Variants in ATAD1 observed in about 807,000 individuals in gnomAD.
The protein encoded by ATAD1 is ATPase family AAA domain containing 1, also known as outer mitochondrial transmembrane helix translocase.
Under a neutral mutation model 42.7 loss-of-function variants are expected in ATAD1, and 18 were observed. The ratio of observed to expected loss-of-function variants is 0.42; its 90% CI spans 0.29 to 0.63. The LOEUF is 0.63. Among genes scored for constraint, ATAD1 ranks in the 20% least tolerant of loss-of-function variants. The probability of loss-of-function intolerance (pLI) is 0.19; values close to 1 mark genes in which losing one functional copy is unlikely to be tolerated. For synonymous variants in ATAD1, 132 were observed against 143.1 expected (o/e 0.92, Z 0.55); for missense variants, 294 against 440.4 (o/e 0.67, Z 2.98).
chr10:87,767,463 T>G (rs892067475), intron 8 of ATAD1, among the ~76,000 whole-genome samples: 1 of 152,158 alleles, frequency 6.6e-6, no homozygotes, highest in East Asian at 1.9e-4. Flanking sequence ...CCGCTGCTGA[T>G]GTGACAGGAA....
intron 5 of ATAD1, among the ~76,000 whole-genome samples, chr10:87,780,550 C>T (rs1855517148): frequency 6.6e-6 from 1 of 151,858 alleles, no homozygotes; most frequent in African/African-American, 2.4e-5. Context: ...GATTTCTGCT[C>T]AATTCTGCAA....
intron 2 of ATAD1, among the ~76,000 whole-genome samples, chr10:87,798,559 T>G (rs1026830990): frequency 6.6e-6 from 1 of 151,664 alleles, no homozygotes; most frequent in Non-Finnish European, 1.5e-5. Context: ...TTTTGTGTTT[T>G]TTTTTTGCAA....
At chr10:87,814,727 A>G (rs1160435365) in intron 1 of ATAD1, 115 bp from the exon 2 acceptor site, 2 of 737,122 alleles carry the variant, frequency 2.7e-6, no homozygotes, top group Non-Finnish European at 3.8e-6. Context: ...AAATTAAAAT[A>G]TTACCTACCT....
At chr10:87,824,649 T>G (rs1174739558) in intron 1 of ATAD1, among the ~76,000 whole-genome samples, 1 of 152,220 alleles carries the variant, frequency 6.6e-6, no homozygotes, top group Non-Finnish European at 1.5e-5. Flanking sequence ...GAGGTGATAT[T>G]CTCTCATTCC....
rs1435003384 is a variant in ATAD1 at position 87,752,480 on chromosome 10, T to G, written c.*2207A>C. 6.6e-6 allele frequency: 1 copy of G among 152,292 alleles called. No homozygotes were observed. The highest frequency in any genetic ancestry group is 1.5e-5 in the Non-Finnish European group (1 of 68,026). 9.4% of individuals were successfully genotyped at this position (152,292 alleles called of 1,614,324 possible). On this transcript the variant is annotated 3_prime_UTR_variant, in exon 10 of 10. Coordinates refer to ENST00000680024, the MANE Select transcript of ATAD1 (RefSeq NM_001321967.2). ...GGGCCTTACATGCATTATTTTATTA[T>G]CCAACCCTTTAAGATGAGTGCCACT...
chr10:87,785,338 A>C (rs1855775247), intron 4 of ATAD1, among the ~76,000 whole-genome samples: 1 of 151,260 alleles, frequency 6.6e-6, no homozygotes, highest in Admixed American at 6.6e-5. Context: ...TCTCAACTAA[A>C]ATGAGATAGC....
chr10:87,787,276 G>A (rs991738082), intron 4 of ATAD1, among the ~76,000 whole-genome samples: 7 of 152,044 alleles, frequency 4.6e-5, no homozygotes, highest in African/African-American at 7.2e-5. Context: ...TTTTTAAGAC[G>A]GATGTTTTTG....
At chr10:87,773,566 A>G (rs1211067002) in intron 6 of ATAD1, among the ~76,000 whole-genome samples, 6 of 152,222 alleles carry the variant, frequency 3.9e-5, no homozygotes, top group African/African-American at 1.4e-4. Flanking sequence ...AAAGGTTAAA[A>G]AGTGACCGCA....
At chr10:87,762,363 A>G (rs1380377379) in intron 8 of ATAD1, among the ~76,000 whole-genome samples, 1 of 152,194 alleles carries the variant, frequency 6.6e-6, no homozygotes, top group Non-Finnish European at 1.5e-5. Context: ...ATTCAAAGGA[A>G]CTTATTAACT....
In ATAD1 at chr10:87,756,892, C is replaced by T; in HGVS notation, c.862G>A (p.Ala288Thr). Residue 288 changes from alanine to threonine, a missense_variant, in exon 9 of 10, where the codon GCC becomes ACC. Around this residue, in one of 3 missense-constraint regions of ATAD1, gnomAD observed 142 missense variants for 174.6 expected, o/e 0.81. Transcript: ENST00000680024. ...VDRHVDLLEVAQETDGFSGSD... is the reference protein window; with the variant it reads ...VDRHVDLLEVTQETDGFSGSD... ...CCTGAAAACCCATCAGTTTCCTGGG[C>T]AACTTCTAGCAGGTCTACATGCCTA... 1 of 1,611,208 alleles carries T rather than the reference C, an allele frequency of 6.2e-7. No homozygotes were observed. Among genetic ancestry groups the T allele is most frequent in the South Asian group, 1.1e-5 (1 of 90,380 alleles).
chr10:87,820,901 A>C (rs964829559), upstream of ATAD1, among the ~76,000 whole-genome samples: 1 of 152,214 alleles, frequency 6.6e-6, no homozygotes, highest in Non-Finnish European at 1.5e-5. Context: ...AATCCCTGGC[A>C]ACACAAAATA....
At chr10:87,803,895 G>A (rs1856811539) in intron 2 of ATAD1, among the ~76,000 whole-genome samples, 1 of 152,080 alleles carries the variant, frequency 6.6e-6, no homozygotes, top group African/African-American at 2.4e-5. Flanking sequence ...CTCATCACTT[G>A]TATCTACTCC....
chr10:87,791,702 A>C (rs1856127436), intron 3 of ATAD1, among the ~76,000 whole-genome samples: 1 of 152,244 alleles, frequency 6.6e-6, no homozygotes, highest in African/African-American at 2.4e-5. Flanking sequence ...ATAGCAATAT[A>C]ACATTAATGT....
Position 87,814,618 on chromosome 10 carries a change from A to C in ATAD1, c.-13-6T>G. On this transcript the variant is annotated splice_polypyrimidine_tract_variant and splice_region_variant and intron_variant, in intron 1 of 9. Transcript: ENST00000680024. ...GTACCATCTTGAATGTTAACCTTAA[A>C]AAAACAAACAGAAATGTCACTAGGT... is the stretch of plus-strand genomic sequence containing the variant. 6.3e-7 allele frequency: 1 copy of C among 1,580,810 alleles called. No homozygotes were observed. The highest frequency in any genetic ancestry group is 8.6e-7 in the Non-Finnish European group (1 of 1,165,560).
chr10:87,829,610 T>C (rs1857793373), intron 1 of ATAD1, among the ~76,000 whole-genome samples: 1 of 152,186 alleles, frequency 6.6e-6, no homozygotes, highest in Non-Finnish European at 1.5e-5. Context: ...GAGGTCAAAA[T>C]ATTAACATTA....
chr10:87,774,406 T>C (rs1354831916), intron 6 of ATAD1, among the ~76,000 whole-genome samples: 1 of 152,176 alleles, frequency 6.6e-6, no homozygotes, highest in African/African-American at 2.4e-5. Context: ...ACACAGCTTG[T>C]TGATGCCAGG....
At chr10:87,763,193 G>A (rs1195830244) in intron 8 of ATAD1, among the ~76,000 whole-genome samples, 5 of 148,588 alleles carry the variant, frequency 3.4e-5, no homozygotes, top group Non-Finnish European at 7.4e-5. Context: ...CTCTGAAACT[G>A]TACATATTTC....
intron 8 of ATAD1, among the ~76,000 whole-genome samples, chr10:87,757,226 C>T (rs942158875): frequency 6.9e-6 from 1 of 143,980 alleles, no homozygotes; most frequent in African/African-American, 2.6e-5. Flanking sequence ...TTCTGTAATA[C>T]ATTCAACATA....
intron 2 of ATAD1, among the ~76,000 whole-genome samples, chr10:87,800,593 G>A (rs1856646100): frequency 6.6e-6 from 1 of 151,748 alleles, no homozygotes; most frequent in Non-Finnish European, 1.5e-5. Flanking sequence ...GTTTGCTTGG[G>A]GAAAAAAGCT....
Sources: allele counts gnomAD v4.1 joint callset (sites outside exome capture counted in the v4.1 genomes callset), GRCh38; gene constraint gnomAD v4.1.1; regional missense constraint gnomAD v4.1.1; transcripts MANE v1.5; gene names NCBI Gene and HGNC (gene_info 2026-07-23, HGNC 2026-07-21).